The following SLC6A20 variants were observed in gnomAD, a reference collection of about 807,000 sequenced individuals.
SLC6A20 encodes sodium- and chloride-dependent transporter XTRP3.
A neutral mutation model predicts 64.3 loss-of-function variants in SLC6A20; 73 were observed. The ratio of observed to expected loss-of-function variants is 1.14; its 90% CI spans 0.94 to 1.38. The LOEUF is 1.38. Ranked by LOEUF, SLC6A20 falls within the 40% of genes most tolerant of loss-of-function variation. The pLI, the probability that SLC6A20 is intolerant of heterozygous loss-of-function variation, is 0.00. For synonymous variants in SLC6A20, 347 were observed against 329.6 expected, an observed-to-expected ratio of 1.05 and a Z score of -0.57; for missense variants, 725 against 772.8, an observed-to-expected ratio of 0.94 and a Z score of 0.73.
intron 3 of SLC6A20, 83 bp from the exon 4 acceptor site, chr3:45,776,071 G>T: frequency 7.4e-7 from 1 of 1,344,962 alleles, no homozygotes; most frequent in Non-Finnish European, 1.1e-6. Flanking sequence ...GTGGCCCTGA[G>T]CGGAGACTCT....
chr3:45,775,504 CTTTT>C (rs781004076), intron 4 of SLC6A20, among the ~76,000 whole-genome samples: 6 of 151,512 alleles, frequency 4.0e-5, no homozygotes, highest in Non-Finnish European at 8.8e-5. Context: ...TACAGAAAAA[CTTTT>C]TTTTTCTAAG....
At position 45,775,821 on chromosome 3, in the gene SLC6A20, G is replaced by A. The variant is rs1254282965; in HGVS notation, c.522C>T (p.Leu174=). The A allele has an allele frequency of 6.2e-7, 1 of 1,614,062 alleles. No homozygotes were observed. The highest frequency in any genetic ancestry group is 8.5e-7 in the Non-Finnish European group (1 of 1,180,006). ...GGTACACCACCAGCCAGGCCAGGAG[G>A]AGGCACAGCGCCGGCTCCCACTGCA... ...GGVQWEPALC[L]LLAWLVVYLC... is the part of the protein sequence containing the mutation. Residue 174 remains leucine (L), a synonymous_variant, in exon 4 of 11, where the codon CTC becomes CTT. Transcript: ENST00000358525.
intron 1 of SLC6A20, among the ~76,000 whole-genome samples, chr3:45,791,181 G>A (rs545892150): frequency 1.1e-4 from 17 of 152,212 alleles, no homozygotes; most frequent in African/African-American, 3.1e-4. Flanking sequence ...GTAAACTTCC[G>A]TCAGCGTAGT....
chr3:45,771,923 G>C (rs1699876817), intron 5 of SLC6A20: 1 of 186,442 alleles, frequency 5.4e-6, no homozygotes, highest in South Asian at 1.3e-4. Flanking sequence ...GGAGGTCTAG[G>C]TGTGGGTTGA....
intron 7 of SLC6A20, among the ~76,000 whole-genome samples, chr3:45,769,977 AAGAG>A (rs1231486123): frequency 6.6e-6 from 1 of 152,218 alleles, no homozygotes; most frequent in Non-Finnish European, 1.5e-5. Context: ...ACAAAAGAAA[AAGAG>A]AGAAAGGACA....
chr3:45,763,916 C>T (rs375097910), intron 8 of SLC6A20, among the ~76,000 whole-genome samples: 2 of 152,146 alleles, frequency 1.3e-5, no homozygotes, highest in African/African-American at 2.4e-5. Flanking sequence ...AGGGGCCATG[C>T]GCTGGCTGAA....
intron 5 of SLC6A20, 34 bp from the exon 6 acceptor site, chr3:45,771,492 C>T: frequency 6.2e-7 from 1 of 1,610,658 alleles, no homozygotes; most frequent in East Asian, 2.2e-5. Context: ...CTGATGATCC[C>T]TGGGTGGAAT....
At position 45,796,440 on chromosome 3, in the gene SLC6A20, C is replaced by G; in HGVS notation, c.-21G>C. On this transcript the variant is annotated 5_prime_UTR_variant, in exon 1 of 11. Transcript: ENST00000358525. ...TCCATGGCCCCGGCCTCGGCGCGCT[C>G]GGCTCCGGCTCGGGGGTCCGGCACG... 1 of 1,603,450 alleles carries G rather than the reference C, an allele frequency of 6.2e-7. No individual in the cohort carries two copies. The highest frequency in any genetic ancestry group is 8.5e-7 in the Non-Finnish European group (1 of 1,175,298).
intron 1 of SLC6A20, among the ~76,000 whole-genome samples, chr3:45,787,851 G>C (rs1700195083): frequency 6.6e-6 from 1 of 152,222 alleles, no homozygotes; most frequent in South Asian, 2.1e-4. Flanking sequence ...TGTTTGTTGA[G>C]TAACTGGCTC....
chr3:45,762,726 C>T (rs566020065), intron 9 of SLC6A20, among the ~76,000 whole-genome samples, 187 bp downstream of exon 9: 1 of 152,214 alleles, frequency 6.6e-6, no homozygotes, highest in African/African-American at 2.4e-5. Flanking sequence ...TTCACTGAAG[C>T]AAACTGAGCA....
chr3:45,793,628 C>T (rs1309591377), intron 1 of SLC6A20, among the ~76,000 whole-genome samples: 14 of 152,170 alleles, frequency 9.2e-5, no homozygotes, highest in Admixed American at 1.3e-4. Context: ...TCTCCAGTCA[C>T]GGGCAGAGTC....
intron 1 of SLC6A20, among the ~76,000 whole-genome samples, chr3:45,783,918 C>T (rs999084063): frequency 1.3e-5 from 2 of 152,170 alleles, no homozygotes; most frequent in African/African-American, 4.8e-5. Flanking sequence ...CAAAGGAGTC[C>T]AAGAGGTCAT....
chr3:45,756,888 T>C lies in SLC6A20; in HGVS notation c.*2090A>G, dbSNP rs1438619608. The C allele has an allele frequency of 2.6e-5, 4 of 152,192 alleles. No homozygotes were observed. The highest frequency in any genetic ancestry group is 9.7e-5 in the African/African-American group (4 of 41,448). The allele number at this position is 152,192 out of a possible 1,614,324, so 9.4% of individuals were successfully genotyped here. A position where few individuals can be genotyped will look rare whatever the true frequency, so the allele number is the denominator to read the frequency against. On this transcript the variant is annotated 3_prime_UTR_variant, in exon 11 of 11. Coordinates refer to ENST00000358525, the MANE Select transcript of SLC6A20 (RefSeq NM_020208.4). ...TGGAGGACCCGCACCGGCGCTGGCC[T>C]CTGAGTTCCCTCAGTATTTATTGAT...
At chr3:45,794,471 C>T (rs1403556491) in intron 1 of SLC6A20, among the ~76,000 whole-genome samples, 2 of 152,158 alleles carry the variant, frequency 1.3e-5, no homozygotes, top group African/African-American at 2.4e-5. Flanking sequence ...ATCCATGCTC[C>T]GTCCGGCTTC....
chr3:45,787,501 C>T (rs1700189299), intron 1 of SLC6A20, among the ~76,000 whole-genome samples: 1 of 152,176 alleles, frequency 6.6e-6, no homozygotes, highest in South Asian at 2.1e-4. Context: ...AGGAAGCTCT[C>T]CTCTTGTTCT....
chr3:45,788,750 G>A (rs959768123), intron 1 of SLC6A20, among the ~76,000 whole-genome samples: 3 of 152,148 alleles, frequency 2.0e-5, no homozygotes, highest in African/African-American at 7.2e-5. Context: ...TAACTCATGT[G>A]GCTACAAAGG....
intron 8 of SLC6A20, among the ~76,000 whole-genome samples, chr3:45,763,361 G>C (rs745428424): frequency 6.6e-6 from 1 of 152,210 alleles, no homozygotes; most frequent in South Asian, 2.1e-4. Flanking sequence ...ACAAGCAGAC[G>C]TAGTGGGCAC....
At chr3:45,775,634 GCTGC>G in intron 4 of SLC6A20, 123 bp downstream of exon 4, 1 of 849,664 alleles carries the variant, frequency 1.2e-6, no homozygotes, top group South Asian at 1.7e-5. Flanking sequence ...CCCTAACATA[GCTGC>G]TGCCTTTCCA....
At chr3:45,788,445 T>C (rs1700202564) in intron 1 of SLC6A20, among the ~76,000 whole-genome samples, 1 of 152,128 alleles carries the variant, frequency 6.6e-6, no homozygotes, top group Non-Finnish European at 1.5e-5. Context: ...ACACAACTGG[T>C]AGAAAAGTAC....
Sources: allele counts gnomAD v4.1 joint callset (sites outside exome capture counted in the v4.1 genomes callset), GRCh38; gene constraint gnomAD v4.1.1; transcripts MANE v1.5; gene names NCBI Gene and HGNC (gene_info 2026-07-23, HGNC 2026-07-21).